Variants in ALAS2 observed in about 807,000 individuals in gnomAD.
ALAS2 encodes 5'-aminolevulinate synthase 2.
In ALAS2, 3 loss-of-function variants were observed where a neutral mutation model predicts 33.7. The observed-to-expected ratio is 0.09, with a 90% CI of 0.04 to 0.23. The LOEUF (loss-of-function observed/expected upper bound fraction) is 0.23. Ranked by LOEUF, ALAS2 falls within the 10% of genes least tolerant of loss-of-function variation. The pLI is 1.00. For synonymous variants in ALAS2, 191 were observed against 177.3 expected, an observed-to-expected ratio of 1.08 and a Z score of -0.61; for missense variants, 304 against 475.1, an observed-to-expected ratio of 0.64 and a Z score of 3.35.
chrX:55,030,577 C>T (rs777666420), intron 1 of ALAS2, among the ~76,000 whole-genome samples: 55 of 108,995 alleles, frequency 5.0e-4, no homozygotes, highest in Non-Finnish European at 8.2e-4. Context: ...AACACAGAGA[C>T]GGAGAGATAC....
chrX:55,017,195 G>A (rs1935716359), intron 7 of ALAS2, among the ~76,000 whole-genome samples: 1 of 111,984 alleles, frequency 8.9e-6, no homozygotes, highest in African/African-American at 3.2e-5. Context: ...TAAGATGAAT[G>A]TAATAGCTGC....
chrX:55,023,191 GGTGT>G (rs747543670), intron 4 of ALAS2, among the ~76,000 whole-genome samples: 177 of 98,629 alleles, frequency 1.8e-3, no homozygotes, highest in East Asian at 3.5e-3. Flanking sequence ...GAGAGCAGAG[GGTGT>G]GTGTGTGTGT....
At position 55,014,789 on chromosome X, in the gene ALAS2, G is replaced by A. The variant is rs773075387; in HGVS notation, c.1395C>T (p.Gly465=). 1 of 1,196,144 alleles carries A rather than the reference G, an allele frequency of 8.4e-7. No individual in the cohort carries two copies. Among genetic ancestry groups the A allele is most frequent in the East Asian group, 3.0e-5 (1 of 33,386 alleles). The change falls in exon 9 of 11, where the codon GGC becomes GGT. Residue 465 remains glycine (G), a synonymous_variant. Coordinates refer to ENST00000650242, the MANE Select transcript of ALAS2 (RefSeq NM_000032.5). ...GGCTGGGGCAGGGGATGACAGGAAG[G>A]CCCCTGTCCATGAGTAGCTGGCGCA... is the stretch of plus-strand genomic sequence containing the variant. ...KHMRQLLMDR[G]LPVIPCPSHI...
chrX:55,021,022 A>G, intron 5 of ALAS2, 30 bp downstream of exon 5: 1 of 1,172,765 alleles, frequency 8.5e-7, no homozygotes. Flanking sequence ...TCCTCTGGCC[A>G]CTGCTGATGG....
chrX:55,017,443 G>A, intron 7 of ALAS2, 43 bp downstream of exon 7: 1 of 1,099,234 alleles, frequency 9.1e-7, no homozygotes, highest in Non-Finnish European at 1.3e-6. Context: ...CATGGTTTTT[G>A]TGAGACCAAC....
intron 9 of ALAS2, among the ~76,000 whole-genome samples, chrX:55,013,929 A>G (rs1295680137): frequency 9.0e-6 from 1 of 111,073 alleles, no homozygotes; most frequent in African/African-American, 3.3e-5. Flanking sequence ...CTAATATCTT[A>G]GTTTGGGATG....
At chrX:55,019,925 T>C (rs903731893) in intron 6 of ALAS2, among the ~76,000 whole-genome samples, 3 of 111,901 alleles carry the variant, frequency 2.7e-5, no homozygotes, top group Non-Finnish European at 3.8e-5. Context: ...CTGTTTTTAT[T>C]GTGAAGTAAG....
At chrX:55,024,618 T>A (rs1935858996) in intron 3 of ALAS2, 100 bp downstream of exon 3, 9 of 1,097,407 alleles carry the variant, frequency 8.2e-6, no homozygotes, top group Non-Finnish European at 1.0e-5. Flanking sequence ...CATCATGGGA[T>A]GTGTACTGGC....
chrX:55,012,740 C>T (rs780085945), intron 10 of ALAS2, among the ~76,000 whole-genome samples: 3 of 112,392 alleles, frequency 2.7e-5, no homozygotes, highest in African/African-American at 9.7e-5. Flanking sequence ...TAGCAGTGAG[C>T]CAAGATCGTG....
rs185466619 is a variant in ALAS2 at position 55,027,931 on chromosome X, T to G, written c.-15-1916A>C. On this transcript the variant is annotated intron_variant, in intron 1 of 10. Transcript: ENST00000650242. ...ATCCAAGTTAAGCCTTTAGTATAGT[T>G]TTTGGCACATAGTAAATCTTCAATA... The G allele has an allele frequency of 2.5e-3, 1,416 of 569,214 alleles. 16 individuals are homozygous for G. In the African/African-American group the frequency reaches 0.027, roughly 11 times the overall value. 46.9% of individuals were successfully genotyped at this position (569,214 alleles called of 1,213,427 possible).
In ALAS2 at chrX:55,024,702, G is replaced by A. The variant is rs745892217; in HGVS notation, c.304+16C>T. On this transcript the variant is annotated intron_variant, in intron 3 of 10. Transcript: ENST00000650242. ...ATTAGGAGTAAAGGTTGCATAAGGTGGAACTTGACTCCAACCTGTCTTGAA... is the reference window on the plus strand; with the variant it reads ...ATTAGGAGTAAAGGTTGCATAAGGTAGAACTTGACTCCAACCTGTCTTGAA... The A allele has an allele frequency of 2.5e-6, 3 of 1,210,986 alleles. No homozygotes were observed. The highest frequency in any genetic ancestry group is 2.3e-4 in the Middle Eastern group (1 of 4,346).
At chrX:55,014,673 T>G in intron 9 of ALAS2, 74 bp downstream of exon 9, 2 of 1,027,780 alleles carry the variant, frequency 1.9e-6, no homozygotes, top group Non-Finnish European at 2.6e-6. Context: ...CAGCAACAGA[T>G]GTAGGTTTGT....
chrX:55,011,218 A>T (rs1935597155), intron 10 of ALAS2, among the ~76,000 whole-genome samples: 1 of 112,111 alleles, frequency 8.9e-6, no homozygotes, highest in East Asian at 2.8e-4. Context: ...TGGACTATAC[A>T]TCCCTATCAG....
chrX:55,028,972 A>G (rs1273819099), intron 1 of ALAS2, among the ~76,000 whole-genome samples: 2 of 112,313 alleles, frequency 1.8e-5, no homozygotes, highest in Non-Finnish European at 3.8e-5. Context: ...GTTGGTAATA[A>G]CAAGGACAAT....
chrX:55,024,588 C>T, intron 3 of ALAS2, 130 bp downstream of exon 3: 1 of 931,160 alleles, frequency 1.1e-6, no homozygotes, highest in South Asian at 2.1e-5. Context: ...CCATGGCTCC[C>T]CTGGAAAGAC....
chrX:55,026,812 A>C (rs1369814050), intron 1 of ALAS2, among the ~76,000 whole-genome samples: 5 of 112,254 alleles, frequency 4.5e-5, no homozygotes, highest in Non-Finnish European at 1.9e-5. Flanking sequence ...ACAGGCACTC[A>C]ATAAATATTT....
intron 10 of ALAS2, 74 bp from the exon 11 acceptor site, chrX:55,009,417 A>G: frequency 9.6e-7 from 1 of 1,040,501 alleles, no homozygotes; most frequent in Non-Finnish European, 1.3e-6. Flanking sequence ...AGTACAGATG[A>G]GCCAAGATAT....
At chrX:55,018,956 T>TA (rs767256278) in intron 6 of ALAS2, among the ~76,000 whole-genome samples, 3 of 111,151 alleles carry the variant, frequency 2.7e-5, no homozygotes, top group Non-Finnish European at 5.7e-5. Flanking sequence ...AAAAACAACT[T>TA]AAAGATGTTG....
intron 1 of ALAS2, among the ~76,000 whole-genome samples, chrX:55,029,861 C>T (rs1285038867): frequency 1.8e-5 from 2 of 111,138 alleles, no homozygotes; most frequent in African/African-American, 6.6e-5. Flanking sequence ...GTGTCAGCAC[C>T]CAATCTGTAC....
Sources: allele counts gnomAD v4.1 joint callset (sites outside exome capture counted in the v4.1 genomes callset), GRCh38; gene constraint gnomAD v4.1.1; transcripts MANE v1.5; gene names NCBI Gene and HGNC (gene_info 2026-07-23, HGNC 2026-07-21).